Variants in TMEFF2 observed in about 807,000 individuals in gnomAD.
The protein encoded by TMEFF2 is tomoregulin-2.
In TMEFF2, 28 loss-of-function variants were observed where a neutral mutation model predicts 53.8. The ratio of observed to expected loss-of-function variants is 0.52; its 90% CI spans 0.39 to 0.71. The LOEUF is 0.71. Among genes scored for constraint, TMEFF2 ranks in the 30% least tolerant of loss-of-function variants. The pLI is 0.00. For synonymous variants in TMEFF2, 162 were observed against 166.3 expected (o/e 0.97, Z 0.20); for missense variants, 353 against 455.2 (o/e 0.78, Z 2.04).
At chr2:191,990,620 G>A (rs1056221063) in intron 7 of TMEFF2, among the ~76,000 whole-genome samples, 3 of 151,932 alleles carry the variant, frequency 2.0e-5, no homozygotes, top group Non-Finnish European at 2.9e-5. Context: ...GATAAATTAA[G>A]GTGGAGAATT....
At chr2:192,019,804 C>T (rs1348027652) in intron 5 of TMEFF2, among the ~76,000 whole-genome samples, 1 of 151,854 alleles carries the variant, frequency 6.6e-6, no homozygotes, top group East Asian at 1.9e-4. Flanking sequence ...AATATGTAAA[C>T]TATGTTCAAA....
At chr2:191,985,171 A>G (rs1685946752) in intron 7 of TMEFF2, among the ~76,000 whole-genome samples, 1 of 152,132 alleles carries the variant, frequency 6.6e-6, no homozygotes, top group African/African-American at 2.4e-5. Context: ...TATCTCACAA[A>G]GGGCTTTAAT....
intron 5 of TMEFF2, chr2:192,044,614 T>G (rs1687567847): frequency 1.3e-5 from 2 of 152,440 alleles, no homozygotes; most frequent in South Asian, 4.1e-4. Flanking sequence ...AGCTGCTCTG[T>G]CACTTGGGCC....
At chr2:192,124,701 A>C (rs2105969952) in intron 4 of TMEFF2, among the ~76,000 whole-genome samples, 1 of 152,346 alleles carries the variant, frequency 6.6e-6, no homozygotes, top group East Asian at 1.9e-4. Flanking sequence ...TTAGCAGCTA[A>C]AAATGGGTTT....
intron 4 of TMEFF2, among the ~76,000 whole-genome samples, chr2:192,109,020 T>C (rs764105157): frequency 2.4e-4 from 36 of 152,134 alleles, no homozygotes; most frequent in Non-Finnish European, 1.2e-4. Context: ...GATTAAAGGT[T>C]ACTAGTAGAA....
In TMEFF2 at chr2:191,983,596, GC is replaced by G. The variant is rs531931991; in HGVS notation, c.745+14665del. 1.1e-4 allele frequency among the ~76,000 whole-genome samples: 16 copies of G among 152,132 alleles called. No homozygotes were observed. In the South Asian group the frequency reaches 3.1e-3, roughly 30 times the overall value. On this transcript the variant is annotated intron_variant, in intron 7 of 9. Transcript: ENST00000272771. ...GTGCCTGGTAGAATGATTATAACAT[GC>G]CTCTTATTAAGAGGGGTCTACCCCA...
chr2:192,161,759 G>A (rs1690639866), intron 4 of TMEFF2, among the ~76,000 whole-genome samples: 1 of 152,100 alleles, frequency 6.6e-6, no homozygotes, highest in Non-Finnish European at 1.5e-5. Context: ...GATAAGCCCT[G>A]TTCATCTTTT....
At chr2:192,062,471 A>T (rs1218708929) in intron 4 of TMEFF2, among the ~76,000 whole-genome samples, 2 of 152,188 alleles carry the variant, frequency 1.3e-5, no homozygotes, top group East Asian at 3.9e-4. Flanking sequence ...AAGCTGCTGT[A>T]CAAATCCTTG....
At chr2:192,131,856 A>G (rs979268115) in intron 4 of TMEFF2, among the ~76,000 whole-genome samples, 5 of 152,288 alleles carry the variant, frequency 3.3e-5, no homozygotes, top group Admixed American at 2.6e-4. Context: ...AAATAGCCGG[A>G]AAACGGCACT....
At chr2:191,994,397 A>G (rs1686173823) in intron 7 of TMEFF2, among the ~76,000 whole-genome samples, 1 of 151,766 alleles carries the variant, frequency 6.6e-6, no homozygotes, top group Admixed American at 6.6e-5. Flanking sequence ...CTAACAACTT[A>G]TAAAATTAAG....
chr2:192,021,661 G>A (rs1686863464), intron 5 of TMEFF2, among the ~76,000 whole-genome samples: 1 of 152,150 alleles, frequency 6.6e-6, no homozygotes, highest in Non-Finnish European at 1.5e-5. Flanking sequence ...CAAGACGCAA[G>A]CAAAAGTGTG....
chr2:192,036,036 C>T (rs1687284168), intron 5 of TMEFF2: 1 of 152,194 alleles, frequency 6.6e-6, no homozygotes, highest in African/African-American at 2.4e-5. Context: ...AGTGAAAGCA[C>T]GTTGTAGACT....
At chr2:192,122,422 G>T (rs1221691491) in intron 4 of TMEFF2, among the ~76,000 whole-genome samples, 1 of 152,122 alleles carries the variant, frequency 6.6e-6, no homozygotes, top group South Asian at 2.1e-4. Context: ...TTATTTTAAG[G>T]TTTCAGAAAA....
At chr2:192,157,630 A>G (rs2106007417) in intron 4 of TMEFF2, among the ~76,000 whole-genome samples, 1 of 152,124 alleles carries the variant, frequency 6.6e-6, no homozygotes, top group Middle Eastern at 3.4e-3. Flanking sequence ...CTTTGACACC[A>G]CGTATGGCAC....
chr2:192,049,786 G>A (rs1443599070), intron 5 of TMEFF2, among the ~76,000 whole-genome samples: 1 of 152,148 alleles, frequency 6.6e-6, no homozygotes, highest in Admixed American at 6.5e-5. Flanking sequence ...AGGATCACAA[G>A]GTCAGGAGAT....
intron 7 of TMEFF2, among the ~76,000 whole-genome samples, chr2:191,980,297 C>A (rs1574262903): frequency 1.3e-5 from 2 of 152,114 alleles, no homozygotes; most frequent in East Asian, 3.9e-4. Context: ...GGCCCAGCAG[C>A]CCTACCCTGG....
At chr2:191,989,719 A>G (rs1686058041) in intron 7 of TMEFF2, among the ~76,000 whole-genome samples, 2 of 152,124 alleles carry the variant, frequency 1.3e-5, no homozygotes, top group Admixed American at 6.6e-5. Context: ...CCAGTTATCC[A>G]TCTTGCACCA....
At chr2:192,032,876 A>G (rs949188570) in intron 5 of TMEFF2, among the ~76,000 whole-genome samples, 2 of 152,204 alleles carry the variant, frequency 1.3e-5, no homozygotes, top group African/African-American at 4.8e-5. Context: ...TGTTAATTTT[A>G]TATTATAAAT....
intron 4 of TMEFF2, among the ~76,000 whole-genome samples, chr2:192,066,938 C>T (rs1309945070): frequency 2.0e-5 from 3 of 151,490 alleles, no homozygotes; most frequent in Non-Finnish European, 4.4e-5. Context: ...TAATTTTTTC[C>T]TTATTTAATT....
Sources: gnomAD v4.1 joint callset for allele counts (sites outside exome capture counted in the v4.1 genomes callset) on GRCh38, gnomAD v4.1.1 for gene constraint, MANE v1.5 for transcripts, NCBI Gene and HGNC (gene_info 2026-07-23, HGNC 2026-07-21) for gene names.